CRYL1: variants seen among roughly 807,000 people sequenced by gnomAD.
CRYL1 encodes lambda-crystallin homolog.
In CRYL1, 29 loss-of-function variants were observed where a neutral mutation model predicts 36.6. That is an observed-to-expected ratio of 0.79 (90% CI 0.59 to 1.08). The LOEUF is 1.08. Ranked by LOEUF, CRYL1 falls within the 50% of genes least tolerant of loss-of-function variation. The pLI, the probability that CRYL1 is intolerant of heterozygous loss-of-function variation, is 0.00. For missense variants in CRYL1, 411 were observed against 407.9 expected (o/e 1.01, Z -0.06); for synonymous variants, 152 against 151.5 (o/e 1.00, Z -0.02).
At position 20,428,775 on chromosome 13, in the gene CRYL1, G is replaced by A. The variant is rs1277764378; in HGVS notation, c.633+3327C>T. Among the ~76,000 whole-genome samples, 10 of 152,186 alleles carry A rather than the reference G, an allele frequency of 6.6e-5. 1 individual carries two copies. The East Asian group carries it at 1.7e-3, about 26-fold the overall frequency. On this transcript the variant is annotated intron_variant, in intron 5 of 7. Transcript: ENST00000298248. Reference sequence around the variant, plus strand: ...GCTGCCTCACCTGCAGATGGCAGGGGTGGCAGGGAACGGCATTCCTCCCTG... The same window carrying A: ...GCTGCCTCACCTGCAGATGGCAGGGATGGCAGGGAACGGCATTCCTCCCTG...
At chr13:20,503,833 C>T (rs559475373) in intron 2 of CRYL1, among the ~76,000 whole-genome samples, 5 of 152,294 alleles carry the variant, frequency 3.3e-5, no homozygotes, top group African/African-American at 1.2e-4. Flanking sequence ...AAAAACAGGT[C>T]AGAGACCCAG....
chr13:20,444,739 T>G (rs2032419818), intron 3 of CRYL1, among the ~76,000 whole-genome samples: 1 of 152,218 alleles, frequency 6.6e-6, no homozygotes, highest in African/African-American at 2.4e-5. Flanking sequence ...TTTTTGGGGA[T>G]GGAGTCTTGC....
chr13:20,429,020 C>T (rs141384038), intron 5 of CRYL1, among the ~76,000 whole-genome samples: 5 of 152,182 alleles, frequency 3.3e-5, no homozygotes, highest in African/African-American at 1.2e-4. Context: ...GAAGCGCCCA[C>T]ACCAGTGAGT....
intron 2 of CRYL1, among the ~76,000 whole-genome samples, chr13:20,492,875 C>T (rs1254157654): frequency 1.3e-5 from 2 of 152,178 alleles, no homozygotes; most frequent in Non-Finnish European, 2.9e-5. Flanking sequence ...GAATTCTTGG[C>T]TTGGGGGTTT....
At chr13:20,489,934 A>C (rs374371339) in intron 2 of CRYL1, among the ~76,000 whole-genome samples, 1 of 152,230 alleles carries the variant, frequency 6.6e-6, no homozygotes, top group Admixed American at 6.5e-5. Flanking sequence ...AACATGGTAC[A>C]TACACACAAC....
At chr13:20,464,791 G>A (rs951694493) in intron 3 of CRYL1, among the ~76,000 whole-genome samples, 1 of 152,252 alleles carries the variant, frequency 6.6e-6, no homozygotes, top group South Asian at 2.1e-4. Flanking sequence ...TGCATTCATC[G>A]CAGGTAGATT....
intron 2 of CRYL1, among the ~76,000 whole-genome samples, chr13:20,497,243 T>C (rs1317575000): frequency 1.3e-5 from 2 of 150,932 alleles, no homozygotes; most frequent in East Asian, 3.9e-4. Flanking sequence ...GCGAGAGCCA[T>C]GCGTGCCCAC....
At chr13:20,476,598 G>A (rs977283257) in intron 3 of CRYL1, among the ~76,000 whole-genome samples, 2 of 152,222 alleles carry the variant, frequency 1.3e-5, no homozygotes, top group Admixed American at 6.5e-5. Context: ...TGCTGATACC[G>A]CTAGGTGAGC....
chr13:20,498,760 G>A (rs2033655256), intron 2 of CRYL1, among the ~76,000 whole-genome samples: 1 of 152,164 alleles, frequency 6.6e-6, no homozygotes, highest in South Asian at 2.1e-4. Flanking sequence ...GACAGATTTA[G>A]CTGGCCTCAT....
intron 3 of CRYL1, among the ~76,000 whole-genome samples, chr13:20,484,626 T>C (rs1028778398): frequency 1.2e-4 from 19 of 152,056 alleles, no homozygotes; most frequent in Non-Finnish European, 1.8e-4. Flanking sequence ...GAGCCAAGAT[T>C]GTGCCACTTC....
chr13:20,425,808 A>G lies in CRYL1; in HGVS notation c.633+6294T>C, dbSNP rs2031919068. On this transcript the variant is annotated intron_variant, in intron 5 of 7. Coordinates refer to ENST00000298248, the MANE Select transcript of CRYL1 (RefSeq NM_015974.3). This position sits in a 1 kb window ranked among gnomAD's most constrained non-coding sequence, Gnocchi z 4.4. ...CATTCTAATTTCAGCATAACAGTTC[A>G]TAATGCAGTGGATTATGCGCAAACC... Among the ~76,000 whole-genome samples, 2 of 152,162 alleles carry G rather than the reference A, an allele frequency of 1.3e-5. No homozygotes were observed. The highest frequency in any genetic ancestry group is 4.8e-5 in the African/African-American group (2 of 41,432).
rs569888449 is a variant in CRYL1 at position 20,499,510 on chromosome 13, G to A, written c.150-10014C>T. On this transcript the variant is annotated intron_variant, in intron 2 of 7. Transcript: ENST00000298248. ...AAAAAAATGAAAAAAAAAATTAGCC[G>A]GGCGTGGTGGCAGGCGCCTGTAGTC... is the stretch of plus-strand genomic sequence containing the variant. Among the ~76,000 whole-genome samples, 373 of 151,928 alleles carry A rather than the reference G, an allele frequency of 2.5e-3. 2 individuals are homozygous for A. The highest frequency in any genetic ancestry group is 3.3e-3 in the Non-Finnish European group (226 of 67,974).
chr13:20,517,037 C>T (rs1289847717), intron 1 of CRYL1, among the ~76,000 whole-genome samples: 7 of 151,902 alleles, frequency 4.6e-5, no homozygotes, highest in Non-Finnish European at 7.4e-5. Context: ...GCTACAATCA[C>T]GCCACTGTAC....
chr13:20,420,701 T>TTTTTTTTGTGTGTG lies in CRYL1; in HGVS notation c.634-7315_634-7314insCACACACAAAAAAA. On this transcript the variant is annotated intron_variant, in intron 5 of 7. Transcript: ENST00000298248. ...CTTTGACTTTTCTTTAAAATAGAGG[T>TTTTTTTTGTGTGTG]TGTGTGTGTGTGTGTGTGTGTGTGT... 3.4e-3 allele frequency among the ~76,000 whole-genome samples: 74 copies of TTTTTTTTGTGTGTG among 21,874 alleles called. 19 individuals carry two copies. Among genetic ancestry groups the TTTTTTTTGTGTGTG allele is most frequent in the Admixed American group, 0.024 (70 of 2,876 alleles). The allele number at this position is 21,874 out of a possible 152,430, so 14.4% of individuals were successfully genotyped here.
chr13:20,430,296 T>A, intron 5 of CRYL1: 1 of 985,450 alleles, frequency 1.0e-6, no homozygotes, highest in Non-Finnish European at 1.2e-6. Context: ...TGTCACAAAC[T>A]GTATCCTGCT....
intron 3 of CRYL1, among the ~76,000 whole-genome samples, chr13:20,445,559 A>G (rs932732595): frequency 6.6e-6 from 1 of 152,238 alleles, no homozygotes; most frequent in African/African-American, 2.4e-5. Flanking sequence ...AATATCAACC[A>G]GAGCCCTAGT....
chr13:20,525,520 C>G lies in CRYL1; in HGVS notation c.41+234G>C, dbSNP rs1198390124. On this transcript the variant is annotated intron_variant, in intron 1 of 7. Coordinates refer to ENST00000298248, the MANE Select transcript of CRYL1 (RefSeq NM_015974.3). This position sits in a 1 kb window ranked among gnomAD's most constrained non-coding sequence, Gnocchi z 4.3. The stretch of plus-strand genomic sequence containing the variant: ...CTCGGAACCTCCTGCAACGCTGGCT[C>G]CCGGGAAGCAGACCCAACTCCGCGG... Among the ~76,000 whole-genome samples the G allele has an allele frequency of 3.3e-5, 5 of 152,106 alleles. No individual in the cohort carries two copies. Among genetic ancestry groups the G allele is most frequent in the Non-Finnish European group, 5.9e-5 (4 of 67,996 alleles).
At position 20,430,772 on chromosome 13, in the gene CRYL1, A is replaced by T. The variant is rs193053613; in HGVS notation, c.633+1330T>A. 1.0e-5 allele frequency: 10 copies of T among 985,390 alleles called. No individual in the cohort carries two copies. The East Asian group carries it at 1.1e-3, about 112-fold the overall frequency. 61.0% of individuals were successfully genotyped at this position (985,390 alleles called of 1,614,324 possible). On this transcript the variant is annotated intron_variant, in intron 5 of 7. Coordinates refer to ENST00000298248, the MANE Select transcript of CRYL1 (RefSeq NM_015974.3). ...AAGCTGAGATTGCCTGTAAAACCCC[A>T]CAAGGTTTAATTCAACAAGTGAACA...
intron 1 of CRYL1, among the ~76,000 whole-genome samples, chr13:20,515,222 G>C (rs2033980632): frequency 6.6e-6 from 1 of 152,178 alleles, no homozygotes; most frequent in African/African-American, 2.4e-5. Context: ...GTGGGTCCAA[G>C]GTTTGGGATG....
Sources: gnomAD v4.1 joint callset for allele counts (sites outside exome capture counted in the v4.1 genomes callset) on GRCh38, gnomAD v4.1.1 for gene constraint, Gnocchi (gnomAD v3.1) non-coding constraint, MANE v1.5 for transcripts, NCBI Gene and HGNC (gene_info 2026-07-23, HGNC 2026-07-21) for gene names.